SNAP25: variants seen among roughly 807,000 people sequenced by gnomAD.
SNAP25 encodes the protein synaptosomal-associated protein 25.
A neutral mutation model predicts 28.7 loss-of-function variants in SNAP25; 3 were observed. The ratio of observed to expected loss-of-function variants is 0.10; its 90% confidence interval spans 0.05 to 0.27. The LOEUF is 0.27. SNAP25 is among the 10% of genes least tolerant of loss of function. SNAP25 has a pLI of 1.00. For synonymous variants in SNAP25, 61 were observed against 88.1 expected (o/e 0.69, Z 1.72); for missense variants, 117 against 278.7 (o/e 0.42, Z 4.13).
At chr20:10,269,267 G>A (rs917886125) in intron 1 of SNAP25, among the ~76,000 whole-genome samples, 1 of 152,120 alleles carries the variant, frequency 6.6e-6, no homozygotes, top group South Asian at 2.1e-4. Context: ...AAACTAGCCA[G>A]ACATGGTGTG....
chr20:10,263,571 A>G (rs1237461283), intron 1 of SNAP25, among the ~76,000 whole-genome samples: 3 of 151,862 alleles, frequency 2.0e-5, no homozygotes, highest in Admixed American at 6.6e-5. Context: ...CTGTTCACGC[A>G]CTCCTGAGAG....
intron 1 of SNAP25, among the ~76,000 whole-genome samples, chr20:10,261,009 C>T (rs925666508): frequency 6.6e-6 from 1 of 152,114 alleles, no homozygotes; most frequent in Non-Finnish European, 1.5e-5. Flanking sequence ...TGTTTACTAA[C>T]CACCTCTTGG....
At chr20:10,292,029 C>G (rs2064009316) in intron 4 of SNAP25, among the ~76,000 whole-genome samples, 1 of 152,194 alleles carries the variant, frequency 6.6e-6, no homozygotes, top group African/African-American at 2.4e-5. Flanking sequence ...TACTTAGATA[C>G]ACTAAGGTCA....
At chr20:10,292,207 A>G (rs1382205662) in intron 4 of SNAP25, among the ~76,000 whole-genome samples, 2 of 152,218 alleles carry the variant, frequency 1.3e-5, no homozygotes, top group African/African-American at 2.4e-5. Context: ...AAACATTCAT[A>G]GCAATTAAGT....
intron 7 of SNAP25, among the ~76,000 whole-genome samples, chr20:10,303,230 G>C (rs2064281378): frequency 6.6e-6 from 1 of 152,140 alleles, no homozygotes; most frequent in Non-Finnish European, 1.5e-5. Context: ...GAGGGCTTAA[G>C]AACCAAGTAA....
intron 1 of SNAP25, among the ~76,000 whole-genome samples, chr20:10,225,244 A>AC (rs2062714649): frequency 6.6e-6 from 1 of 151,760 alleles, no homozygotes; most frequent in Admixed American, 6.6e-5. Context: ...GAAAAAAAAA[A>AC]AACACATTCG....
At chr20:10,229,551 C>A (rs927128056) in intron 1 of SNAP25, among the ~76,000 whole-genome samples, 1 of 152,112 alleles carries the variant, frequency 6.6e-6, no homozygotes, top group Non-Finnish European at 1.5e-5. Context: ...TCCAAAACAA[C>A]CCTATATAAA....
Position 10,293,060 on chromosome 20 carries a change from C to G in SNAP25, c.164-101C>G. On this transcript the variant is annotated intron_variant, in intron 4 of 7. Transcript: ENST00000254976. This position sits in a 1 kb window ranked among gnomAD's most constrained non-coding sequence, Gnocchi z 5.6. The stretch of plus-strand genomic sequence containing the variant: ...CAGTTTTCTTTCTTTTTTTTTTTTT[C>G]TTTTTTAATGTCAAAGTGAATGTCT... 4 of 1,146,072 alleles carry G rather than the reference C, an allele frequency of 3.5e-6. No homozygotes were observed. The highest frequency in any genetic ancestry group is 2.6e-5 in the East Asian group (1 of 37,760). 71.0% of individuals were successfully genotyped at this position (1,146,072 alleles called of 1,614,324 possible).
chr20:10,267,770 T>C (rs1449903931), intron 1 of SNAP25, among the ~76,000 whole-genome samples: 1 of 152,224 alleles, frequency 6.6e-6, no homozygotes, highest in Non-Finnish European at 1.5e-5. Context: ...CAGGATGGTC[T>C]CTAGCTCTTG....
chr20:10,274,758 G>A (rs1036819138), intron 1 of SNAP25, among the ~76,000 whole-genome samples: 3 of 152,092 alleles, frequency 2.0e-5, no homozygotes, highest in Non-Finnish European at 2.9e-5. Flanking sequence ...CAGGAGAATG[G>A]CGTGAACCCG....
At chr20:10,258,783 A>G (rs2063363046) in intron 1 of SNAP25, among the ~76,000 whole-genome samples, 1 of 152,200 alleles carries the variant, frequency 6.6e-6, no homozygotes, top group African/African-American at 2.4e-5. Flanking sequence ...TCCCACAATC[A>G]CTTCAGAGAC....
intron 1 of SNAP25, among the ~76,000 whole-genome samples, chr20:10,245,418 A>C (rs1355000736): frequency 6.6e-6 from 1 of 152,186 alleles, no homozygotes; most frequent in Non-Finnish European, 1.5e-5. Context: ...CACAGTCAAC[A>C]TCAATCCACC....
intron 2 of SNAP25, among the ~76,000 whole-genome samples, chr20:10,276,522 G>A (rs2063694391): frequency 6.6e-6 from 1 of 152,116 alleles, no homozygotes; most frequent in Non-Finnish European, 1.5e-5. Context: ...ATTCTCTAAG[G>A]CAAAGAAATC....
At chr20:10,265,999 A>C (rs1272425014) in intron 1 of SNAP25, among the ~76,000 whole-genome samples, 1 of 152,200 alleles carries the variant, frequency 6.6e-6, no homozygotes. Context: ...CCCTAGTTTC[A>C]TATAAAGTTC....
At chr20:10,282,150 AGGAAGGAAGGAT>A (rs879619179) in intron 3 of SNAP25, among the ~76,000 whole-genome samples, 5,175 of 93,286 alleles carry the variant, frequency 0.055, 277 homozygotes, top group African/African-American at 0.12. Flanking sequence ...GAAGGAGGGA[AGGAAGGAAGGAT>A]GGAAGGAAGG....
chr20:10,302,693 A>G (rs1332111688), intron 7 of SNAP25, among the ~76,000 whole-genome samples: 1 of 152,236 alleles, frequency 6.6e-6, no homozygotes, highest in Non-Finnish European at 1.5e-5. Context: ...TGGGACAGCC[A>G]TCATAAATAA....
chr20:10,248,317 C>G (rs1030037265), intron 1 of SNAP25, among the ~76,000 whole-genome samples: 1 of 152,166 alleles, frequency 6.6e-6, no homozygotes, highest in Non-Finnish European at 1.5e-5. Context: ...AACATTTTCC[C>G]TCCTTCAATG....
intron 1 of SNAP25, among the ~76,000 whole-genome samples, chr20:10,267,556 C>G (rs13039881): frequency 2.0e-5 from 3 of 150,234 alleles, no homozygotes; most frequent in African/African-American, 4.9e-5. Flanking sequence ...TTGTTTGTTT[C>G]TTTGTTTGTT....
chr20:10,221,043 G>A (rs2062623489), intron 1 of SNAP25, among the ~76,000 whole-genome samples: 1 of 152,216 alleles, frequency 6.6e-6, no homozygotes, highest in Non-Finnish European at 1.5e-5. Flanking sequence ...TTATAACTTT[G>A]CAATCTGCAG....
Sources: gnomAD v4.1 joint callset for allele counts (sites outside exome capture counted in the v4.1 genomes callset) on GRCh38, gnomAD v4.1.1 for gene constraint, Gnocchi (gnomAD v3.1) non-coding constraint, MANE v1.5 for transcripts, NCBI Gene and HGNC (gene_info 2026-07-23, HGNC 2026-07-21) for gene names.